USP4: variants seen among roughly 807,000 people sequenced by gnomAD.
The protein encoded by USP4 is ubiquitin specific peptidase 4, also known as ubiquitin carboxyl-terminal hydrolase 4.
In USP4, 72 loss-of-function variants were observed where a neutral mutation model predicts 118.2. That is an observed-to-expected ratio of 0.61 (90% CI 0.50 to 0.74). USP4 has a LOEUF of 0.74. Among genes scored for constraint, USP4 ranks in the 30% least tolerant of loss-of-function variants. The probability of loss-of-function intolerance (pLI) is 0.00; values close to 1 mark genes in which losing one functional copy is unlikely to be tolerated. For synonymous variants in USP4, 415 were observed against 440.4 expected (o/e 0.94, Z 0.72); for missense variants, 1,037 against 1,185.7 (o/e 0.87, Z 1.84).
chr3:49,287,964 A>T (rs1463835588), intron 15 of USP4, among the ~76,000 whole-genome samples: 1 of 152,212 alleles, frequency 6.6e-6, no homozygotes, highest in Non-Finnish European at 1.5e-5. Flanking sequence ...TTTAGCAAAG[A>T]TGGGGACCAC....
intron 2 of USP4, 44 bp from the exon 3 acceptor site, chr3:49,327,860 G>A (rs762223715): frequency 6.4e-7 from 1 of 1,557,876 alleles, no homozygotes; most frequent in South Asian, 1.1e-5. Flanking sequence ...CTTTACCCCA[G>A]AAATGATGGT....
intron 2 of USP4, among the ~76,000 whole-genome samples, chr3:49,330,973 G>A (rs1487519014): frequency 1.2e-4 from 18 of 148,062 alleles, no homozygotes; most frequent in South Asian, 2.1e-4. Context: ...AGCCGAGATC[G>A]CGCCACTGCA....
At chr3:49,297,346 G>T (rs1174921968) in intron 13 of USP4, among the ~76,000 whole-genome samples, 1 of 152,194 alleles carries the variant, frequency 6.6e-6, no homozygotes, top group Non-Finnish European at 1.5e-5. Flanking sequence ...CCTTTGTATT[G>T]TCCTCACAGA....
chr3:49,305,615 A>G, intron 9 of USP4, 100 bp downstream of exon 9: 2 of 1,142,718 alleles, frequency 1.8e-6, no homozygotes, highest in Non-Finnish European at 2.4e-6. Context: ...TGTAAATACC[A>G]TAAAAAAAAA....
intron 19 of USP4, among the ~76,000 whole-genome samples, chr3:49,281,212 T>C (rs1329022278): frequency 6.6e-6 from 1 of 151,660 alleles, no homozygotes; most frequent in African/African-American, 2.4e-5. Flanking sequence ...ATCCCAGCAC[T>C]TTCGGAGGCC....
rs900221834 is a variant in USP4, at chr3:49,302,486, C to A, written c.1185G>T (p.Gln395His). 2 of 1,614,046 alleles carry A rather than the reference C, an allele frequency of 1.2e-6. No homozygotes were observed. Among genetic ancestry groups the A allele is most frequent in the Non-Finnish European group, 1.7e-6 (2 of 1,180,030 alleles). The change falls in exon 10 of 22, where the codon CAG becomes CAT. Residue 395 changes from glutamine (Q) to histidine (H), a missense_variant. Around this residue, in one of 3 missense-constraint regions of USP4, gnomAD observed 487 missense variants for 534.1 expected, o/e 0.91. Transcript: ENST00000265560. ...CATCTAGAAGAAAGGCCAGCAGCTC[C>A]TGAGAATCTTGTTGCTGGTAGCCAG... Reference protein sequence around the residue: ...QFSGYQQQDSQELLAFLLDGL... With the variant: ...QFSGYQQQDSHELLAFLLDGL...
At chr3:49,291,567 C>A (rs2047151364) in intron 15 of USP4, among the ~76,000 whole-genome samples, 1 of 144,882 alleles carries the variant, frequency 6.9e-6, no homozygotes, top group Non-Finnish European at 1.5e-5. Context: ...GAGCAAGATT[C>A]CGTCTCAAAA....
chr3:49,279,412 G>A (rs951548568), intron 20 of USP4, among the ~76,000 whole-genome samples: 1 of 151,868 alleles, frequency 6.6e-6, no homozygotes, highest in African/African-American at 2.4e-5. Context: ...TGCAGAGCTG[G>A]GATGTGAACA....
chr3:49,289,604 C>T (rs933679122), intron 15 of USP4, among the ~76,000 whole-genome samples: 2 of 152,212 alleles, frequency 1.3e-5, no homozygotes, highest in African/African-American at 2.4e-5. Flanking sequence ...GGTGCAGTAG[C>T]TCATGCCTGT....
At chr3:49,295,922 AGT>A (rs1318864913) in intron 13 of USP4, among the ~76,000 whole-genome samples, 1 of 152,192 alleles carries the variant, frequency 6.6e-6, no homozygotes, top group Non-Finnish European at 1.5e-5. Context: ...TCTGGCTGCT[AGT>A]AATAAGCACC....
chr3:49,331,970 A>C (rs868085235), intron 2 of USP4, among the ~76,000 whole-genome samples: 4 of 94,570 alleles, frequency 4.2e-5, no homozygotes, highest in East Asian at 2.2e-4. Flanking sequence ...CCATCTCTAC[A>C]AAAAAAAAAA....
Position 49,294,506 on chromosome 3 carries a change from G to A in USP4, c.1784C>T (p.Ser595Phe). Residue 595 changes from serine (S) to phenylalanine (F), a missense_variant, in exon 14 of 22, where the codon TCC (serine) becomes TTC (phenylalanine). Ser to Phe is a radical substitution (Grantham distance 155). Transcript: ENST00000265560. ...RERKSRPSST[S>F]SASALYGQPL... Reference sequence around the variant, plus strand: ...CTGCCCATATAGCGCTGATGCGGAGGAAGTGCTTGATGGCCTGGACTTCCT... The same window carrying A: ...CTGCCCATATAGCGCTGATGCGGAGAAAGTGCTTGATGGCCTGGACTTCCT... The A allele has an allele frequency of 6.2e-7, 1 of 1,614,230 alleles. No individual in the cohort carries two copies. Among genetic ancestry groups the A allele is most frequent in the Non-Finnish European group, 8.5e-7 (1 of 1,180,038 alleles).
At chr3:49,307,779 CACAAAACAAAACAAA>C (rs201730475) in intron 8 of USP4, among the ~76,000 whole-genome samples, 1 of 151,606 alleles carries the variant, frequency 6.6e-6, no homozygotes, top group Middle Eastern at 3.2e-3. Flanking sequence ...ACCCCGTTTC[CACAAAACAAAACAAA>C]ACAAAACAAA....
At chr3:49,307,131 G>C (rs1044379555) in intron 8 of USP4, among the ~76,000 whole-genome samples, 1 of 151,980 alleles carries the variant, frequency 6.6e-6, no homozygotes, top group African/African-American at 2.4e-5. Flanking sequence ...TTATGTTTTT[G>C]CTCACACTAC....
chr3:49,330,548 G>A (rs2047605880), intron 2 of USP4, among the ~76,000 whole-genome samples: 1 of 151,718 alleles, frequency 6.6e-6, no homozygotes, highest in African/African-American at 2.4e-5. Context: ...AGCCAGGATG[G>A]TCTCAATCTC....
intron 1 of USP4, among the ~76,000 whole-genome samples, chr3:49,336,856 G>T (rs1005593357): frequency 6.6e-6 from 1 of 151,954 alleles, no homozygotes; most frequent in East Asian, 1.9e-4. Context: ...CTTTACAGAA[G>T]TCCCACTCCA....
At chr3:49,297,654 G>A (rs530936031) in intron 13 of USP4, among the ~76,000 whole-genome samples, 2 of 152,256 alleles carry the variant, frequency 1.3e-5, no homozygotes, top group East Asian at 1.9e-4. Context: ...CTGTGCTGAG[G>A]AGAGTTATCA....
chr3:49,316,895 A>T (rs1453332640), intron 6 of USP4: 9 of 604,434 alleles, frequency 1.5e-5, no homozygotes, highest in African/African-American at 7.4e-5. Context: ...CTGTGTGAGC[A>T]CAAAGCCAGG....
chr3:49,299,517 C>T (rs1351673190), intron 11 of USP4, among the ~76,000 whole-genome samples: 4 of 151,612 alleles, frequency 2.6e-5, no homozygotes, highest in South Asian at 4.2e-4. Flanking sequence ...CTCAGCTGCC[C>T]GAGTAGCTGG....
Sources: allele counts gnomAD v4.1 joint callset (sites outside exome capture counted in the v4.1 genomes callset), GRCh38; gene constraint gnomAD v4.1.1; regional missense constraint gnomAD v4.1.1; transcripts MANE v1.5; gene names NCBI Gene and HGNC (gene_info 2026-07-23, HGNC 2026-07-21).